Variants in GARIN3 observed in about 807,000 individuals in gnomAD.
The protein encoded by GARIN3 is golgi associated RAB2 interactor family member 3.
At chr5:157,163,549 T>C in the GARIN3 span, 1 of 1,614,124 alleles carries the variant, frequency 6.2e-7, no homozygotes, top group Non-Finnish European at 8.5e-7. Flanking sequence ...GTGGGAGGCA[T>C]GTTGGATTCC....
the GARIN3 span, chr5:157,165,586 G>T: frequency 1.2e-6 from 2 of 1,612,590 alleles, no homozygotes; most frequent in Admixed American, 1.7e-5. Flanking sequence ...TTGTCTTCGG[G>T]TGGTGCGTCC....
chr5:157,163,496 C>T, the GARIN3 span: 5 of 1,614,082 alleles, frequency 3.1e-6, no homozygotes, highest in Non-Finnish European at 4.2e-6. Flanking sequence ...CCTTCAGCAG[C>T]CCCTGGAGTG....
chr5:157,166,188 A>G, the GARIN3 span: 378 of 1,586,640 alleles, frequency 2.4e-4, 2 homozygotes, highest in South Asian at 3.2e-3. Flanking sequence ...CGTTTAAGAC[A>G]GCTCCACCAG....
chr5:157,163,730 C>T, the GARIN3 span: 4 of 1,523,754 alleles, frequency 2.6e-6, no homozygotes, highest in Non-Finnish European at 3.5e-6. Flanking sequence ...CTACTCCTCT[C>T]TTATCCTGGA....
At chr5:157,162,479 C>T in the GARIN3 span, 4 of 1,614,124 alleles carry the variant, frequency 2.5e-6, no homozygotes, top group Admixed American at 1.7e-5. Context: ...ACGATCATCT[C>T]CGTCTTCTCG....
At chr5:157,164,370 T>A in the GARIN3 span, among the ~76,000 whole-genome samples, 1 of 152,074 alleles carries the variant, frequency 6.6e-6, no homozygotes, top group Non-Finnish European at 1.5e-5. Flanking sequence ...CAGGCTGGTG[T>A]CGATCTCCTG....
At chr5:157,163,649 G>T in the GARIN3 span, 1 of 1,613,304 alleles carries the variant, frequency 6.2e-7, no homozygotes. Context: ...TCTCTGTGGA[G>T]CTCTGCAGCC....
chr5:157,165,221 C>A, the GARIN3 span, among the ~76,000 whole-genome samples: 2 of 152,148 alleles, frequency 1.3e-5, no homozygotes, highest in African/African-American at 4.8e-5. Flanking sequence ...TAAATTTATA[C>A]AAATAAAAGT....
At chr5:157,163,179 C>T in the GARIN3 span, 1 of 1,614,146 alleles carries the variant, frequency 6.2e-7, no homozygotes, top group Non-Finnish European at 8.5e-7. Context: ...GACTGGCGGC[C>T]CCCGCCATCG....
chr5:157,164,718 T>C, the GARIN3 span, among the ~76,000 whole-genome samples: 1 of 152,196 alleles, frequency 6.6e-6, no homozygotes, highest in Non-Finnish European at 1.5e-5. Flanking sequence ...CAGGGTGTGC[T>C]GATTGACACA....
the GARIN3 span, chr5:157,165,595 C>T: frequency 8.1e-6 from 13 of 1,613,344 alleles, no homozygotes; most frequent in African/African-American, 1.1e-4. Flanking sequence ...GGTGGTGCGT[C>T]CCCAGATAGA....
the GARIN3 span, chr5:157,162,660 G>A: frequency 6.2e-7 from 1 of 1,614,100 alleles, no homozygotes; most frequent in Non-Finnish European, 8.5e-7. Flanking sequence ...TTAAAAAAGA[G>A]CTGATCTTAC....
the GARIN3 span, chr5:157,165,484 C>T: frequency 6.8e-5 from 103 of 1,520,838 alleles, no homozygotes; most frequent in Middle Eastern, 1.2e-3. Context: ...TCAGAAGGCA[C>T]CAAAGGCTTT....
chr5:157,163,537 C>T, the GARIN3 span: 1 of 1,614,166 alleles, frequency 6.2e-7, no homozygotes, highest in Admixed American at 1.7e-5. Context: ...ACTAGCCGTT[C>T]CGTGGGAGGC....
chr5:157,166,183 A>G, the GARIN3 span: 1 of 1,593,216 alleles, frequency 6.3e-7, no homozygotes, highest in South Asian at 1.1e-5. Context: ...CTCTTCGTTT[A>G]AGACAGCTCC....
At chr5:157,162,127 A>G in the GARIN3 span, 1 of 360,498 alleles carries the variant, frequency 2.8e-6, no homozygotes, top group African/African-American at 2.1e-5. Context: ...CCCAGCTCTT[A>G]GTCTGTGGCT....
chr5:157,165,393 C>T, the GARIN3 span, among the ~76,000 whole-genome samples: 3 of 152,190 alleles, frequency 2.0e-5, no homozygotes, highest in Admixed American at 6.5e-5. Flanking sequence ...AGCCCTCCCA[C>T]CTCCCAGTGT....
the GARIN3 span, chr5:157,162,191 G>T: frequency 1.9e-6 from 1 of 540,452 alleles, no homozygotes; most frequent in Non-Finnish European, 3.2e-6. Context: ...CACTCACGTT[G>T]GCTCTGCTGG....
At chr5:157,165,826 T>C in the GARIN3 span, 1 of 1,614,008 alleles carries the variant, frequency 6.2e-7, no homozygotes, top group Non-Finnish European at 8.5e-7. Flanking sequence ...TCTAGAGTCT[T>C]GACGGGCCTG....
Sources: gnomAD v4.1 joint callset for allele counts (sites outside exome capture counted in the v4.1 genomes callset) on GRCh38, gnomAD v4.1.1 for gene constraint, MANE v1.5 for transcripts, NCBI Gene and HGNC (gene_info 2026-07-23, HGNC 2026-07-21) for gene names.